Variants in GLYR1 observed in about 807,000 individuals in gnomAD.
GLYR1 encodes cytokine-like nuclear factor N-PAC.
GLYR1 carries 21 observed loss-of-function variants against 72.7 expected under a neutral mutation model. That is an observed-to-expected ratio of 0.29 (90% CI 0.20 to 0.42). GLYR1 has a LOEUF of 0.42. Among genes scored for constraint, GLYR1 ranks in the 10% least tolerant of loss-of-function variants. GLYR1 has a pLI of 1.00. For synonymous variants in GLYR1, 392 were observed against 270.2 expected, an observed-to-expected ratio of 1.45 and a Z score of -4.42; for missense variants, 594 against 712.1, an observed-to-expected ratio of 0.83 and a Z score of 1.89.
At position 4,844,457 on chromosome 16, in the gene GLYR1, G is replaced by A. The variant is rs371934807; in HGVS notation, c.155+617C>T. 1.2e-4 allele frequency among the ~76,000 whole-genome samples: 18 copies of A among 152,178 alleles called. No homozygotes were observed. The East Asian group carries it at 2.9e-3, about 24-fold the overall frequency. On this transcript the variant is annotated intron_variant, in intron 3 of 15. Coordinates refer to ENST00000321919, the MANE Select transcript of GLYR1 (RefSeq NM_032569.4). ...CATAATGATATATGGCATTAAAAGA[G>A]AACTGAACATGGCTTTTATAAAAAT... is the stretch of plus-strand genomic sequence containing the variant.
chr16:4,808,197 C>G (rs1290669374), intron 15 of GLYR1, among the ~76,000 whole-genome samples: 2 of 141,048 alleles, frequency 1.4e-5, no homozygotes, highest in African/African-American at 2.7e-5. Flanking sequence ...GATCATGTCA[C>G]TGCACTCCAG....
chr16:4,813,908 A>G, intron 11 of GLYR1, 70 bp from the exon 12 acceptor site: 1 of 1,182,314 alleles, frequency 8.5e-7, no homozygotes, highest in East Asian at 2.5e-5. Flanking sequence ...TACAGACCTC[A>G]GATCAGAATC....
chr16:4,818,626 T>C (rs1227581252), intron 9 of GLYR1, among the ~76,000 whole-genome samples: 2 of 152,184 alleles, frequency 1.3e-5, no homozygotes, highest in African/African-American at 4.8e-5. Flanking sequence ...CACAAGTCAC[T>C]GAAGCACTGT....
At chr16:4,835,584 A>T (rs560285373) in intron 3 of GLYR1, among the ~76,000 whole-genome samples, 6 of 152,326 alleles carry the variant, frequency 3.9e-5, no homozygotes, top group Middle Eastern at 3.4e-3. Context: ...TAATCCTAGC[A>T]CTTTGGGAGG....
At chr16:4,808,598 CTAAAATAAAATAAAA>C (rs370659586) in intron 15 of GLYR1, among the ~76,000 whole-genome samples, 1 of 151,414 alleles carries the variant, frequency 6.6e-6, no homozygotes, top group Non-Finnish European at 1.5e-5. Flanking sequence ...AACTCGGTCT[CTAAAATAAAATAAAA>C]TAAAATAAAA....
intron 5 of GLYR1, among the ~76,000 whole-genome samples, chr16:4,825,373 T>C (rs1288637231): frequency 6.6e-6 from 1 of 152,204 alleles, no homozygotes; most frequent in Non-Finnish European, 1.5e-5. Flanking sequence ...ACACCAAGCA[T>C]GTGCCTGCCC....
chr16:4,826,857 TC>T (rs1393872079), intron 5 of GLYR1, among the ~76,000 whole-genome samples: 1 of 152,176 alleles, frequency 6.6e-6, no homozygotes, highest in Admixed American at 6.5e-5. Flanking sequence ...GCCCTAGGAC[TC>T]ACCTAAGGCC....
intron 3 of GLYR1, chr16:4,839,181 A>C (rs2085366940): frequency 6.6e-6 from 1 of 152,162 alleles, no homozygotes; most frequent in African/African-American, 2.4e-5. Context: ...GAGAAAAAGC[A>C]CACACACACA....
At chr16:4,846,583 C>T (rs2086100203) in intron 1 of GLYR1, 2 of 280,448 alleles carry the variant, frequency 7.1e-6, no homozygotes, top group Admixed American at 4.5e-5. Context: ...TGGAAGCCTT[C>T]CTCTGGGTGG....
intron 13 of GLYR1, 86 bp downstream of exon 13, chr16:4,812,000 G>C: frequency 6.6e-7 from 1 of 1,512,228 alleles, no homozygotes; most frequent in Non-Finnish European, 8.9e-7. Context: ...CCGGCAGAAA[G>C]GCCGTGTGGG....
At chr16:4,812,348 C>G in intron 12 of GLYR1, 100 bp from the exon 13 acceptor site, 1 of 1,321,872 alleles carries the variant, frequency 7.6e-7, no homozygotes, top group East Asian at 2.5e-5. Flanking sequence ...TGCTCATCAC[C>G]TTCCAGAGCT....
intron 3 of GLYR1, among the ~76,000 whole-genome samples, chr16:4,833,733 A>G (rs537633322): frequency 6.6e-6 from 1 of 152,374 alleles, no homozygotes; most frequent in East Asian, 1.9e-4. Context: ...TCAACCATCA[A>G]TGTGTAACAC....
At chr16:4,843,757 C>T (rs2085732995) in intron 3 of GLYR1, 1 of 588,980 alleles carries the variant, frequency 1.7e-6, no homozygotes, top group Admixed American at 4.1e-5. Flanking sequence ...AAATCTAAGG[C>T]TGTATTTTCC....
chr16:4,823,119 G>A (rs746758689), intron 6 of GLYR1, among the ~76,000 whole-genome samples, 188 bp from the exon 7 acceptor site: 11 of 152,250 alleles, frequency 7.2e-5, no homozygotes, highest in Non-Finnish European at 1.3e-4. Flanking sequence ...ATTCCAGCTA[G>A]AGGAAAACTG....
intron 15 of GLYR1, among the ~76,000 whole-genome samples, chr16:4,805,552 T>G (rs558868910): frequency 3.3e-5 from 5 of 152,342 alleles, no homozygotes; most frequent in African/African-American, 1.2e-4. Context: ...AAATACACTA[T>G]GGGATATAAA....
intron 15 of GLYR1, among the ~76,000 whole-genome samples, chr16:4,808,348 G>A (rs772732384): frequency 1.3e-5 from 2 of 152,110 alleles, no homozygotes; most frequent in Non-Finnish European, 2.9e-5. Flanking sequence ...TGTAATCCCA[G>A]CACTTAGGTA....
intron 5 of GLYR1, among the ~76,000 whole-genome samples, chr16:4,826,582 A>G (rs1395686313): frequency 2.0e-5 from 3 of 152,258 alleles, no homozygotes; most frequent in Non-Finnish European, 4.4e-5. Context: ...TTTGGCCTAT[A>G]GGAGAATTAC....
intron 3 of GLYR1, among the ~76,000 whole-genome samples, chr16:4,841,784 A>G (rs1378694763): frequency 1.3e-5 from 2 of 152,186 alleles, no homozygotes; most frequent in Admixed American, 6.5e-5. Context: ...TGGGCCAACC[A>G]TATTGCCTCT....
intron 15 of GLYR1, among the ~76,000 whole-genome samples, chr16:4,807,654 A>T (rs1303351549): frequency 6.6e-6 from 1 of 152,286 alleles, no homozygotes; most frequent in African/African-American, 2.4e-5. Flanking sequence ...ATTAACCTAA[A>T]AACTCTGCTT....
Sources: gnomAD v4.1 joint callset for allele counts (sites outside exome capture counted in the v4.1 genomes callset) on GRCh38, gnomAD v4.1.1 for gene constraint, MANE v1.5 for transcripts, NCBI Gene and HGNC (gene_info 2026-07-23, HGNC 2026-07-21) for gene names.